The following PDRG1 variants were observed in gnomAD, a reference collection of about 807,000 sequenced individuals.
PDRG1 encodes the protein p53 and DNA damage regulated 1, also known as p53 and DNA damage-regulated protein 1.
PDRG1 carries 14 observed loss-of-function variants against 18.4 expected under a neutral mutation model. The observed-to-expected ratio is 0.76, with a 90% CI of 0.50 to 1.19. The LOEUF (loss-of-function observed/expected upper bound fraction) is 1.19, where lower values mean the gene tolerates loss of function less well. PDRG1 is among the 50% of genes most tolerant of loss of function. The pLI is 0.00. For missense variants in PDRG1, 177 were observed against 160.1 expected (o/e 1.11, Z -0.57); for synonymous variants, 65 against 60.9 (o/e 1.07, Z -0.31).
intron 3 of PDRG1, 76 bp from the exon 4 acceptor site, chr20:31,946,652 C>G: frequency 7.7e-7 from 1 of 1,303,388 alleles, no homozygotes; most frequent in South Asian, 1.2e-5. Flanking sequence ...AGAGGCCAGC[C>G]TCTCCCCAGC....
intron 1 of PDRG1, 22 bp from the exon 2 acceptor site, chr20:31,950,409 G>A (rs534671240): frequency 2.5e-6 from 4 of 1,580,208 alleles, no homozygotes; most frequent in East Asian, 2.2e-5. Context: ...AGGGACAGGA[G>A]GGAACTCAGC....
chr20:31,946,438 A>G (rs1332353629), intron 4 of PDRG1, 58 bp downstream of exon 4: 6 of 1,482,738 alleles, frequency 4.0e-6, no homozygotes, highest in African/African-American at 2.8e-5. Flanking sequence ...CCTGCCCTTC[A>G]AAGTCCATGC....
At chr20:31,946,621 C>T in intron 3 of PDRG1, 45 bp from the exon 4 acceptor site, 1 of 1,528,664 alleles carries the variant, frequency 6.5e-7, no homozygotes, top group Non-Finnish European at 9.1e-7. Flanking sequence ...TTGTACCAGA[C>T]AGACTTGATC....
At position 31,945,080 on chromosome 20, in the gene PDRG1, G is replaced by C. The variant is rs1027848763; in HGVS notation, c.*727C>G. 1.3e-5 allele frequency: 2 copies of C among 152,260 alleles called. No homozygotes were observed. Among genetic ancestry groups the C allele is most frequent in the African/African-American group, 2.4e-5 (1 of 41,426 alleles). The allele number at this position is 152,260 out of a possible 1,614,324, so 9.4% of individuals were successfully genotyped here. A position where few individuals can be genotyped will look rare whatever the true frequency, so the allele number is the denominator to read the frequency against. On this transcript the variant is annotated 3_prime_UTR_variant, in exon 5 of 5. Transcript: ENST00000202017. ...CAGACAGTAACGAGCAGTGCTGGCC[G>C]GGCCCCACTTTCAGAGGGGGCGGAA...
chr20:31,947,408 A>G (rs1401658433), intron 3 of PDRG1, among the ~76,000 whole-genome samples: 1 of 152,264 alleles, frequency 6.6e-6, no homozygotes. Context: ...CTCTAGGTAC[A>G]GTGACAAGAC....
intron 3 of PDRG1, among the ~76,000 whole-genome samples, chr20:31,947,066 T>C (rs1411273797): frequency 6.6e-6 from 1 of 152,214 alleles, no homozygotes; most frequent in Admixed American, 6.5e-5. Context: ...CAAGCAATGC[T>C]CAAGCTTAAC....
rs6061046 is a variant in PDRG1, at chr20:31,944,906, T to C, written c.*901A>G. 0.49 allele frequency: 74,756 copies of C among 152,058 alleles called. 20,632 individuals are homozygous for C. The highest frequency in any genetic ancestry group is 0.75 in the African/African-American group (31,185 of 41,468). 9.4% of individuals were successfully genotyped at this position (152,058 alleles called of 1,614,324 possible). ...TTCATAGGTTGTATTCTAAATGGAG[T>C]GGCGTGCCCTTACTGAAGGACTAGA... On this transcript the variant is annotated 3_prime_UTR_variant, in exon 5 of 5. Transcript: ENST00000202017.
At position 31,950,384 on chromosome 20, in the gene PDRG1, C is replaced by T. The variant is rs772260316; in HGVS notation, c.91G>A (p.Val31Met). The T allele has an allele frequency of 5.6e-6, 9 of 1,610,658 alleles. No individual in the cohort carries two copies. In the East Asian group the frequency reaches 1.6e-4, roughly 28 times the overall value. ...TGATTCCTTTTAGTGTCCAGGTCCACAATCTGAAAACCACAGGGACAGGAG... is the reference window on the plus strand; with the variant it reads ...TGATTCCTTTTAGTGTCCAGGTCCATAATCTGAAAACCACAGGGACAGGAG... ...EEVLADKRQI[V>M]DLDTKRNQNR... The change falls in exon 2 of 5, where the codon GTG becomes ATG. Residue 31 changes from valine to methionine, a missense_variant. Physicochemically the swap from Val to Met is conservative, Grantham distance 21. Transcript: ENST00000202017.
chr20:31,951,026 AC>A (rs1170161724), intron 1 of PDRG1, among the ~76,000 whole-genome samples: 2 of 152,212 alleles, frequency 1.3e-5, no homozygotes, highest in Non-Finnish European at 2.9e-5. Context: ...CAATTAAATG[AC>A]TTAACACAGT....
At chr20:31,946,371 G>T in intron 4 of PDRG1, 125 bp downstream of exon 4, 1 of 869,200 alleles carries the variant, frequency 1.2e-6, no homozygotes, top group Non-Finnish European at 1.9e-6. Context: ...CACACCTCCA[G>T]GGCCACTCAC....
intron 1 of PDRG1, among the ~76,000 whole-genome samples, chr20:31,951,463 A>T (rs1247064564): frequency 6.6e-6 from 1 of 152,006 alleles, no homozygotes; most frequent in Non-Finnish European, 1.5e-5. Context: ...CACTTAAAAC[A>T]AGACACCCCA....
chr20:31,948,475 C>T (rs1025313304), intron 3 of PDRG1, among the ~76,000 whole-genome samples: 5 of 152,238 alleles, frequency 3.3e-5, no homozygotes, highest in Non-Finnish European at 5.9e-5. Context: ...ATTTCTTATG[C>T]AAGAGTAAAA....
At chr20:31,946,625 C>A in intron 3 of PDRG1, 49 bp from the exon 4 acceptor site, 1 of 1,523,348 alleles carries the variant, frequency 6.6e-7, no homozygotes, top group Non-Finnish European at 9.1e-7. Context: ...ACCAGACAGA[C>A]TTGATCCCAG....
chr20:31,945,653 G>A lies in PDRG1; in HGVS notation c.*154C>T, dbSNP rs1407204829. ...GAAGGTTCCCTCCTGCCATCACAGAGTAGCCAAGCACTACAAAGAGGTTTT... is the reference window on the plus strand; with the variant it reads ...GAAGGTTCCCTCCTGCCATCACAGAATAGCCAAGCACTACAAAGAGGTTTT... On this transcript the variant is annotated 3_prime_UTR_variant, in exon 5 of 5. Coordinates refer to ENST00000202017, the MANE Select transcript of PDRG1 (RefSeq NM_030815.3). The A allele has an allele frequency of 5.3e-6, 3 of 565,844 alleles. No homozygotes were observed. Among genetic ancestry groups the A allele is most frequent in the Admixed American group, 3.4e-5 (1 of 29,100 alleles). 35.1% of individuals were successfully genotyped at this position (565,844 alleles called of 1,614,324 possible).
chr20:31,948,948 GT>G, intron 2 of PDRG1, 66 bp from the exon 3 acceptor site: 2 of 1,457,102 alleles, frequency 1.4e-6, no homozygotes, highest in Non-Finnish European at 1.9e-6. Flanking sequence ...GCCAGGCATT[GT>G]TTTAGATACA....
chr20:31,949,697 T>C (rs2064340300), intron 2 of PDRG1, among the ~76,000 whole-genome samples: 2 of 152,220 alleles, frequency 1.3e-5, no homozygotes, highest in South Asian at 4.1e-4. Flanking sequence ...GCTGGATTAC[T>C]CGGTCTTGTA....
chr20:31,945,632 G>A lies in PDRG1; in HGVS notation c.*175C>T, dbSNP rs2064310335. 1 of 522,744 alleles carries A rather than the reference G, an allele frequency of 1.9e-6. No homozygotes were observed. Among genetic ancestry groups the A allele is most frequent in the Non-Finnish European group, 3.4e-6 (1 of 296,688 alleles). The allele number at this position is 522,744 out of a possible 1,614,324, so 32.4% of individuals were successfully genotyped here. A position where few individuals can be genotyped will look rare whatever the true frequency, so the allele number is the denominator to read the frequency against. ...GGTCCAGCAGCCAGACAGGCTGAAG[G>A]TTCCCTCCTGCCATCACAGAGTAGC... On this transcript the variant is annotated 3_prime_UTR_variant, in exon 5 of 5. Coordinates refer to ENST00000202017, the MANE Select transcript of PDRG1 (RefSeq NM_030815.3).
At chr20:31,946,974 T>G (rs968900663) in intron 3 of PDRG1, among the ~76,000 whole-genome samples, 2 of 152,198 alleles carry the variant, frequency 1.3e-5, no homozygotes, top group African/African-American at 4.8e-5. Context: ...GCCTAAGAAA[T>G]TTTACAAACC....
In PDRG1 at chr20:31,950,339, C is replaced by T. The variant is rs1166525407; in HGVS notation, c.136G>A (p.Ala46Thr). The T allele has an allele frequency of 1.2e-6, 2 of 1,612,540 alleles. No homozygotes were observed. Among genetic ancestry groups the T allele is most frequent in the East Asian group, 4.5e-5 (2 of 44,898 alleles). ...KRNQNREGLR[A>T]LQKDLSLSED... is the part of the protein sequence containing the mutation. ...GAGAGGCTGAGATCCTTCTGCAGGG[C>T]CCTCAGGCCCTCTCGATTCTGATTC... is the stretch of plus-strand genomic sequence containing the variant. The change falls in exon 2 of 5, where the codon GCC becomes ACC. Residue 46 changes from alanine (A) to threonine (T), a missense_variant. Coordinates refer to ENST00000202017, the MANE Select transcript of PDRG1 (RefSeq NM_030815.3).
Sources: allele counts gnomAD v4.1 joint callset (sites outside exome capture counted in the v4.1 genomes callset), GRCh38; gene constraint gnomAD v4.1.1; transcripts MANE v1.5; gene names NCBI Gene and HGNC (gene_info 2026-07-23, HGNC 2026-07-21).